The following TMEM272 variants were observed in gnomAD, a reference collection of about 807,000 sequenced individuals.
The protein encoded by TMEM272 is transmembrane protein 272.
TMEM272 carries 8 observed loss-of-function variants against 3.7 expected under a neutral mutation model. That is an observed-to-expected ratio of 2.17 (90% confidence interval 1.27 to 3.91). The LOEUF is 3.91. TMEM272 is among the 30% of genes most tolerant of loss of function. The pLI is 0.00. For missense variants in TMEM272, 166 were observed against 91.5 expected (o/e 1.81, Z -3.32); for synonymous variants, 63 against 39.8 (o/e 1.58, Z -2.20).
the TMEM272 span, among the ~76,000 whole-genome samples, chr13:51,913,645 C>T: frequency 6.6e-6 from 1 of 152,172 alleles, no homozygotes; most frequent in East Asian, 1.9e-4. Flanking sequence ...AGTCTGCAGC[C>T]ATTATGGTGC....
At chr13:51,917,203 T>C in the TMEM272 span, among the ~76,000 whole-genome samples, 1 of 152,196 alleles carries the variant, frequency 6.6e-6, no homozygotes. Flanking sequence ...TCTAAGTGAC[T>C]TGCCAGTGGA....
chr13:51,912,580 T>C, the TMEM272 span, among the ~76,000 whole-genome samples: 1 of 152,170 alleles, frequency 6.6e-6, no homozygotes, highest in Non-Finnish European at 1.5e-5. Flanking sequence ...TCCCTAATTA[T>C]TGCCAATTTG....
chr13:51,870,344 T>C, the TMEM272 span, among the ~76,000 whole-genome samples: 1 of 152,164 alleles, frequency 6.6e-6, no homozygotes, highest in Non-Finnish European at 1.5e-5. Flanking sequence ...CTTTATTCAG[T>C]TTTTGGCTTT....
At chr13:51,847,197 G>C (rs1956311687), upstream of TMEM272, among the ~76,000 whole-genome samples, 1 of 152,120 alleles carries the variant, frequency 6.6e-6, no homozygotes, top group African/African-American at 2.4e-5. Flanking sequence ...ATGGTCTCTG[G>C]CCTTTTGGGA....
the TMEM272 span, among the ~76,000 whole-genome samples, chr13:51,898,546 A>G: frequency 2.2e-4 from 33 of 151,262 alleles, 1 homozygote; most frequent in South Asian, 7.0e-3. Flanking sequence ...CAAACATCAG[A>G]TTCACATTTG....
At chr13:51,817,436 G>A (rs932897579) in intron 4 of TMEM272, among the ~76,000 whole-genome samples, 1 of 152,180 alleles carries the variant, frequency 6.6e-6, no homozygotes, top group African/African-American at 2.4e-5. Context: ...TCAAGGTTCA[G>A]ACTGACTCTC....
At chr13:51,880,566 C>T in the TMEM272 span, among the ~76,000 whole-genome samples, 1 of 152,054 alleles carries the variant, frequency 6.6e-6, no homozygotes, top group Non-Finnish European at 1.5e-5. Context: ...AAAAGTCAGT[C>T]GGTCCCCACA....
chr13:51,916,595 C>T, the TMEM272 span, among the ~76,000 whole-genome samples: 7 of 152,168 alleles, frequency 4.6e-5, no homozygotes, highest in East Asian at 1.9e-4. Context: ...TCCAGCCATC[C>T]GAGCATGGAC....
chr13:51,822,154 G>A lies in TMEM272; in HGVS notation c.119-17C>T, dbSNP rs1956085402. On this transcript the variant is annotated splice_polypyrimidine_tract_variant and intron_variant, in intron 3 of 4. Transcript: ENST00000629372. ...ATTTCATTCCTACATAGGGCAAACAGAAGAGGATTGAGAGAAATACATTCG... is the reference window on the plus strand; with the variant it reads ...ATTTCATTCCTACATAGGGCAAACAAAAGAGGATTGAGAGAAATACATTCG... 2.9e-6 allele frequency: 2 copies of A among 687,846 alleles called. No individual in the cohort carries two copies. Among genetic ancestry groups the A allele is most frequent in the Non-Finnish European group, 5.3e-6 (2 of 379,472 alleles). The allele number at this position is 687,846 out of a possible 1,614,324, so 42.6% of individuals were successfully genotyped here.
chr13:51,885,769 T>C, the TMEM272 span, among the ~76,000 whole-genome samples: 10 of 152,314 alleles, frequency 6.6e-5, no homozygotes, highest in East Asian at 1.2e-3. Context: ...CCTTTGTATA[T>C]AGACAGTCAG....
the TMEM272 span, chr13:51,908,932 C>A: frequency 7.7e-4 from 1,062 of 1,383,946 alleles, 3 homozygotes; most frequent in Non-Finnish European, 8.7e-4. Context: ...ATCTGGTGGT[C>A]CAGAGGATTC....
the TMEM272 span, among the ~76,000 whole-genome samples, chr13:51,917,738 T>C: frequency 6.2e-3 from 944 of 152,308 alleles, 10 homozygotes; most frequent in African/African-American, 0.022. Flanking sequence ...GCAAAATGCA[T>C]TGATGGGGCT....
intron 2 of TMEM272, 76 bp downstream of exon 2, chr13:51,838,397 C>A: frequency 2.8e-6 from 2 of 702,802 alleles, no homozygotes; most frequent in South Asian, 3.0e-5. Flanking sequence ...ATGATCCACT[C>A]CAGCTTTAGC....
At chr13:51,910,807 C>T in the TMEM272 span, among the ~76,000 whole-genome samples, 2 of 152,246 alleles carry the variant, frequency 1.3e-5, no homozygotes, top group Admixed American at 1.3e-4. Context: ...GACAGGCCCA[C>T]GCTGCCCACC....
the TMEM272 span, among the ~76,000 whole-genome samples, chr13:51,884,816 T>C: frequency 1.9e-4 from 29 of 152,362 alleles, no homozygotes; most frequent in African/African-American, 7.0e-4. Context: ...CTGATACATG[T>C]AAAGCACTTA....
the TMEM272 span, among the ~76,000 whole-genome samples, chr13:51,905,575 C>T: frequency 6.6e-6 from 1 of 152,218 alleles, no homozygotes; most frequent in African/African-American, 2.4e-5. Flanking sequence ...AGCCCTCCCT[C>T]GCAGCGGCGC....
At chr13:51,875,207 G>C in the TMEM272 span, among the ~76,000 whole-genome samples, 1 of 152,194 alleles carries the variant, frequency 6.6e-6, no homozygotes, top group Admixed American at 6.5e-5. Flanking sequence ...GTGAAGTGGT[G>C]CTAGTATTAG....
chr13:51,862,286 A>G, the TMEM272 span: 3 of 152,218 alleles, frequency 2.0e-5, no homozygotes, highest in Non-Finnish European at 2.9e-5. Context: ...AAGGTAATAT[A>G]TAATATTTTC....
the TMEM272 span, chr13:51,865,563 TA>T: frequency 6.2e-7 from 1 of 1,614,062 alleles, no homozygotes; most frequent in Non-Finnish European, 8.5e-7. Context: ...CGTGAAAAAA[TA>T]GAGGACTTCA....
Sources: gnomAD v4.1 joint callset for allele counts (sites outside exome capture counted in the v4.1 genomes callset) on GRCh38, gnomAD v4.1.1 for gene constraint, MANE v1.5 for transcripts, NCBI Gene and HGNC (gene_info 2026-07-23, HGNC 2026-07-21) for gene names.